Variants in PNPLA5 observed in about 807,000 individuals in gnomAD.
PNPLA5 encodes the protein patatin like domain 5, triacylglycerol lipase, also known as patatin-like phospholipase domain-containing protein 5.
A neutral mutation model predicts 49.1 loss-of-function variants in PNPLA5; 44 were observed. That is an observed-to-expected ratio of 0.90 (90% CI 0.70 to 1.15). The LOEUF (loss-of-function observed/expected upper bound fraction) is 1.15. Among genes scored for constraint, PNPLA5 ranks in the 50% most tolerant of loss-of-function variants. The pLI, the probability that PNPLA5 is intolerant of heterozygous loss-of-function variation, is 0.00. For missense variants in PNPLA5, 603 were observed against 564.0 expected (o/e 1.07, Z -0.70); for synonymous variants, 243 against 244.4 (o/e 0.99, Z 0.06).
chr22:43,883,042 T>A (rs1280438653), intron 7 of PNPLA5, among the ~76,000 whole-genome samples: 1 of 152,020 alleles, frequency 6.6e-6, no homozygotes, highest in Non-Finnish European at 1.5e-5. Context: ...TTTACTGGCC[T>A]CCCTTCCTGC....
intron 8 of PNPLA5, 69 bp downstream of exon 8, chr22:43,881,489 G>A: frequency 5.5e-6 from 8 of 1,466,080 alleles, no homozygotes; most frequent in Non-Finnish European, 7.4e-6. Context: ...CCAGGGTCCA[G>A]GGAAGCAGCT....
intron 3 of PNPLA5, 55 bp downstream of exon 3, chr22:43,889,744 C>A: frequency 6.3e-7 from 1 of 1,581,138 alleles, no homozygotes; most frequent in Non-Finnish European, 8.6e-7. Context: ...CACCTCTCCA[C>A]GGTGTGCACC....
intron 7 of PNPLA5, 29 bp from the exon 8 acceptor site, chr22:43,881,703 C>T (rs775955072): frequency 6.2e-7 from 1 of 1,609,090 alleles, no homozygotes; most frequent in East Asian, 2.2e-5. Context: ...CAGCTTTGCC[C>T]AGGTGAGCCT....
chr22:43,886,245 G>A, intron 6 of PNPLA5, 58 bp downstream of exon 6: 2 of 1,537,400 alleles, frequency 1.3e-6, no homozygotes, highest in South Asian at 1.3e-5. Context: ...GGGTCCCTGA[G>A]CCCGGGCCCC....
At chr22:43,883,316 T>C (rs1473626673) in intron 7 of PNPLA5, among the ~76,000 whole-genome samples, 3 of 152,162 alleles carry the variant, frequency 2.0e-5, no homozygotes, top group Non-Finnish European at 4.4e-5. Context: ...AATTTGTAGG[T>C]CGTGAGCTCC....
rs1950921668 is a variant in PNPLA5, at chr22:43,880,369, G to A, written c.*426C>T. ...GCCGCTGCAGGACTGAGAAAGTCTG[G>A]GGGGAGCACCCCCACCCCATCATCT... On this transcript the variant is annotated 3_prime_UTR_variant, in exon 9 of 9. Coordinates refer to ENST00000216177, the MANE Select transcript of PNPLA5 (RefSeq NM_138814.4). 2.5e-6 allele frequency: 1 copy of A among 398,684 alleles called. No homozygotes were observed. The highest frequency in any genetic ancestry group is 4.4e-6 in the Non-Finnish European group (1 of 226,152). 24.7% of individuals were successfully genotyped at this position (398,684 alleles called of 1,614,324 possible).
intron 2 of PNPLA5, chr22:43,890,177 G>A (rs1198106145): frequency 4.9e-6 from 3 of 607,182 alleles, no homozygotes. Flanking sequence ...AGTTGGGATG[G>A]GGCCTGGCAC....
At chr22:43,881,291 C>T (rs961978653) in intron 8 of PNPLA5, among the ~76,000 whole-genome samples, 6 of 152,222 alleles carry the variant, frequency 3.9e-5, no homozygotes, top group Non-Finnish European at 8.8e-5. Context: ...CCGCAAGAGG[C>T]ACCTGTCCCA....
chr22:43,887,838 A>G (rs562254261), intron 4 of PNPLA5, 187 bp from the exon 5 acceptor site: 62 of 886,540 alleles, frequency 7.0e-5, no homozygotes, highest in Non-Finnish European at 2.2e-5. Context: ...AGGAGGGGCC[A>G]GAGGCCTGCA....
intron 4 of PNPLA5, among the ~76,000 whole-genome samples, 183 bp downstream of exon 4, chr22:43,889,146 G>A (rs1024913183): frequency 6.6e-6 from 1 of 152,208 alleles, no homozygotes. Flanking sequence ...AGGGCAGCAA[G>A]AACAGTAAGG....
In PNPLA5 at chr22:43,886,385, G is replaced by A. The variant is rs751953270; in HGVS notation, c.867C>T (p.Gly289=). 2 of 1,614,138 alleles carry A rather than the reference G, an allele frequency of 1.2e-6. No homozygotes were observed. The highest frequency in any genetic ancestry group is 1.1e-5 in the South Asian group (1 of 91,068). ...GGGGCACTTTCCAGTTGAGAGACAG[G>A]CCCCCCTTCCAGCGTTGGTCACAGC... is the stretch of plus-strand genomic sequence containing the variant. The part of the protein sequence containing the change: ...DAGCDQRWKG[G]LSLNWKVPHV... The change falls in exon 6 of 9, where the codon GGC becomes GGT. Residue 289 remains glycine (G), a synonymous_variant. Coordinates refer to ENST00000216177, the MANE Select transcript of PNPLA5 (RefSeq NM_138814.4).
chr22:43,888,359 A>G (rs1356431252), intron 4 of PNPLA5, among the ~76,000 whole-genome samples: 1 of 114,870 alleles, frequency 8.7e-6, no homozygotes, highest in Non-Finnish European at 1.8e-5. Flanking sequence ...CAGGATGTGG[A>G]TGGGGCAGAG....
intron 4 of PNPLA5, among the ~76,000 whole-genome samples, chr22:43,888,792 T>TA (rs1182603887): frequency 6.6e-6 from 1 of 152,140 alleles, no homozygotes; most frequent in Admixed American, 6.5e-5. Context: ...TACCAAGGGG[T>TA]AAAAAAACGC....
Position 43,889,961 on chromosome 22 carries a change from A to T in PNPLA5, c.427-97T>A, listed in dbSNP as rs1304417122. The T allele has an allele frequency of 3.3e-6, 5 of 1,525,528 alleles. No homozygotes were observed. The South Asian group carries it at 5.0e-5, about 15-fold the overall frequency. 94.5% of individuals were successfully genotyped at this position (1,525,528 alleles called of 1,614,324 possible). The stretch of plus-strand genomic sequence containing the variant: ...TTCTAATCCCAACAGCCTGCAAAGG[A>T]GGTGTCATCAGTCCCACGTCCAGAT... On this transcript the variant is annotated intron_variant, in intron 2 of 8. Coordinates refer to ENST00000216177, the MANE Select transcript of PNPLA5 (RefSeq NM_138814.4).
intron 1 of PNPLA5, 32 bp downstream of exon 1, chr22:43,891,656 G>A (rs906579919): frequency 4.0e-6 from 6 of 1,517,036 alleles, no homozygotes; most frequent in South Asian, 2.5e-5. Context: ...AGCTGTCCCC[G>A]CCCCTTTTCG....
intron 7 of PNPLA5, among the ~76,000 whole-genome samples, chr22:43,882,672 C>T (rs192924460): frequency 1.8e-3 from 275 of 152,350 alleles, no homozygotes; most frequent in African/African-American, 6.3e-3. Context: ...GAAAACTGGA[C>T]TTTACATTTA....
At chr22:43,890,848 C>T (rs1182689044) in intron 2 of PNPLA5, among the ~76,000 whole-genome samples, 2 of 152,256 alleles carry the variant, frequency 1.3e-5, no homozygotes, top group African/African-American at 4.8e-5. Context: ...TGCCGGGCCC[C>T]AGCCAGACCC....
rs951620111 is a variant in PNPLA5, at chr22:43,880,628, C to T, written c.*167G>A. 6.9e-6 allele frequency: 4 copies of T among 578,842 alleles called. No homozygotes were observed. Among genetic ancestry groups the T allele is most frequent in the East Asian group, 3.5e-5 (1 of 28,876 alleles). 35.9% of individuals were successfully genotyped at this position (578,842 alleles called of 1,614,324 possible). Reference sequence around the variant, plus strand: ...GCAGGTGACCTGGGTACACAGTGACCGGGGACATGCTGACAGGCTGCGCCC... The same window carrying T: ...GCAGGTGACCTGGGTACACAGTGACTGGGGACATGCTGACAGGCTGCGCCC... On this transcript the variant is annotated 3_prime_UTR_variant, in exon 9 of 9. Transcript: ENST00000216177.
chr22:43,880,127 C>T lies in PNPLA5; in HGVS notation c.*668G>A. ...ATCCTCTCTGCCCCAGGTACAGGCA[C>T]AGCTACGTCACAAACCTTCTGCAGG... On this transcript the variant is annotated 3_prime_UTR_variant, in exon 9 of 9. Coordinates refer to ENST00000216177, the MANE Select transcript of PNPLA5 (RefSeq NM_138814.4). The T allele has an allele frequency of 3.4e-6, 1 of 294,894 alleles. No individual in the cohort carries two copies. The highest frequency in any genetic ancestry group is 6.2e-6 in the Non-Finnish European group (1 of 160,618). 18.3% of individuals were successfully genotyped at this position (294,894 alleles called of 1,614,324 possible). A position where few individuals can be genotyped will look rare whatever the true frequency, so the allele number is the denominator to read the frequency against.
Sources: gnomAD v4.1 joint callset for allele counts (sites outside exome capture counted in the v4.1 genomes callset) on GRCh38, gnomAD v4.1.1 for gene constraint, MANE v1.5 for transcripts, NCBI Gene and HGNC (gene_info 2026-07-23, HGNC 2026-07-21) for gene names.